The following USP18 variants were observed in gnomAD, a reference collection of about 807,000 sequenced individuals.
USP18 encodes ubl carboxyl-terminal hydrolase 18.
In USP18, 11 loss-of-function variants were observed where a neutral mutation model predicts 48.7. That is an observed-to-expected ratio of 0.23 (90% CI 0.14 to 0.37). The LOEUF (loss-of-function observed/expected upper bound fraction) is 0.37, where lower values mean the gene tolerates loss of function less well. Among genes scored for constraint, USP18 ranks in the 10% least tolerant of loss-of-function variants. The pLI is 1.00. For synonymous variants in USP18, 114 were observed against 163.2 expected, an observed-to-expected ratio of 0.70 and a Z score of 2.30; for missense variants, 285 against 436.4, an observed-to-expected ratio of 0.65 and a Z score of 3.09.
At chr22:18,173,772 C>T (rs1376882185) in intron 9 of USP18, 21 bp from the exon 10 acceptor site, 2 of 1,606,448 alleles carry the variant, frequency 1.2e-6, no homozygotes, top group East Asian at 2.2e-5. Context: ...CTGCTTGACC[C>T]CATTTGTTTC....
At position 18,151,631 on chromosome 22, in the gene USP18, G is replaced by A. The variant is rs1013685369; in HGVS notation, c.-107+1409G>A. ...TAACATAAACATAGTTTCAAAGAAG[G>A]TAAGTCCTAGTTTTTCCACGAGCTG... On this transcript the variant is annotated intron_variant, in intron 1 of 10. Transcript: ENST00000215794. Among the ~76,000 whole-genome samples, 4 of 151,970 alleles carry A rather than the reference G, an allele frequency of 2.6e-5. No individual in the cohort carries two copies. The South Asian group carries it at 8.3e-4, about 32-fold the overall frequency.
At chr22:18,157,849 C>G in intron 2 of USP18, 29 bp downstream of exon 2, 1 of 1,613,014 alleles carries the variant, frequency 6.2e-7, no homozygotes, top group Middle Eastern at 1.7e-4. Flanking sequence ...TTTTCCTCTT[C>G]TTGACTGCAT....
rs562451924 is a variant in USP18, at chr22:18,167,985, C to T, written c.576C>T (p.Leu192=). The change falls in exon 6 of 11, where the codon CTC becomes CTT. Residue 192 remains leucine, a synonymous_variant. Coordinates refer to ENST00000215794, the MANE Select transcript of USP18 (RefSeq NM_017414.4). ...AGAGTAGCAGAAACAGCAGCATGCT[C>T]ACCCTCCCACTTTCTCTTTTTGATG... ...AMESSRNSSM[L]TLPLSLFDVD... is the part of the protein sequence containing the mutation. 56 of 1,614,166 alleles carry T rather than the reference C, an allele frequency of 3.5e-5. No individual in the cohort carries two copies. The highest frequency in any genetic ancestry group is 5.3e-5 in the African/African-American group (4 of 75,038).
intron 1 of USP18, among the ~76,000 whole-genome samples, chr22:18,150,566 A>G (rs973983344): frequency 6.6e-6 from 1 of 152,362 alleles, no homozygotes; most frequent in Middle Eastern, 3.4e-3. Context: ...GTTTCTATGT[A>G]CAAGTCTTTA....
intron 2 of USP18, among the ~76,000 whole-genome samples, chr22:18,158,032 G>A (rs1432708822): frequency 6.6e-6 from 1 of 152,220 alleles, no homozygotes; most frequent in Non-Finnish European, 1.5e-5. Flanking sequence ...GCTCATGCCT[G>A]TAATCCCAGC....
intron 1 of USP18, among the ~76,000 whole-genome samples, chr22:18,153,547 C>A (rs918013091): frequency 5.9e-5 from 9 of 152,178 alleles, no homozygotes; most frequent in African/African-American, 2.2e-4. Flanking sequence ...GCCTCAGTCT[C>A]CCAAGTAGCT....
rs573867946 is a variant in USP18 at position 18,165,427 on chromosome 22, C to T, written c.401-1828C>T. On this transcript the variant is annotated intron_variant, in intron 4 of 10. Transcript: ENST00000215794. ...GAACCCATCTGGGTGTAACTGAGTA[C>T]TCCCATTTTCTAAGAGATAGTTATA... Among the ~76,000 whole-genome samples, 419 of 59,430 alleles carry T rather than the reference C, an allele frequency of 7.1e-3. 4 individuals are homozygous for T. Among genetic ancestry groups the T allele is most frequent in the African/African-American group, 0.027 (383 of 14,220 alleles). 39.0% of individuals were successfully genotyped at this position (59,430 alleles called of 152,430 possible). A position where few individuals can be genotyped will look rare whatever the true frequency, so the allele number is the denominator to read the frequency against.
rs1008924229 is a variant in USP18, at chr22:18,150,238, A to G, written c.-107+16A>G. On this transcript the variant is annotated intron_variant, in intron 1 of 10. Coordinates refer to ENST00000215794, the MANE Select transcript of USP18 (RefSeq NM_017414.4). ...GGCGCTTGAGGCAAGTTCGGGGCTC[A>G]TTTTGGAAGTTTTCTTTCTAGCACA... The G allele has an allele frequency of 2.6e-5, 4 of 152,304 alleles. No individual in the cohort carries two copies. Among genetic ancestry groups the G allele is most frequent in the African/African-American group, 9.6e-5 (4 of 41,582 alleles). 9.4% of individuals were successfully genotyped at this position (152,304 alleles called of 1,614,324 possible). A position where few individuals can be genotyped will look rare whatever the true frequency, so the allele number is the denominator to read the frequency against.
intron 10 of USP18, among the ~76,000 whole-genome samples, chr22:18,175,627 T>C (rs574283): frequency 0.036 from 4,202 of 115,728 alleles, 23 homozygotes; most frequent in African/African-American, 0.061. Context: ...AAAGCAGCCG[T>C]AGACAGTACA....
intron 1 of USP18, among the ~76,000 whole-genome samples, chr22:18,156,995 A>C (rs746181164): frequency 9.9e-5 from 15 of 152,230 alleles, no homozygotes; most frequent in Non-Finnish European, 1.6e-4. Context: ...ACTGAGGCTG[A>C]GACAATATTG....
At chr22:18,157,051 G>C (rs1210526976) in intron 1 of USP18, among the ~76,000 whole-genome samples, 2 of 152,226 alleles carry the variant, frequency 1.3e-5, no homozygotes, top group Non-Finnish European at 2.9e-5. Flanking sequence ...CCAGCACCAG[G>C]ATGTGCCTAA....
chr22:18,150,821 G>A (rs1469895328), intron 1 of USP18, among the ~76,000 whole-genome samples: 2 of 152,180 alleles, frequency 1.3e-5, no homozygotes, highest in Admixed American at 6.5e-5. Context: ...GCGTGGTGGC[G>A]CATGCCTGTA....
chr22:18,170,808 C>T lies in USP18; in HGVS notation c.779C>T (p.Ser260Phe). The T allele has an allele frequency of 6.2e-7, 1 of 1,600,764 alleles. No homozygotes were observed. Among genetic ancestry groups the T allele is most frequent in the Non-Finnish European group, 8.5e-7 (1 of 1,176,218 alleles). ...CTGACAATCCACCTCATGCGATTCT[C>T]CATCAGGAATTCACAGACGAGAAAG... ...QTLTIHLMRF[S>F]IRNSQTRKIC... is the part of the protein sequence containing the mutation. The change falls in exon 8 of 11, where the codon TCC (serine) becomes TTC (phenylalanine). Residue 260 changes from serine to phenylalanine, a missense_variant. By Grantham distance (155) the Ser-to-Phe change is radical. This residue lies in a region of USP18 where 34 missense variants were observed against 94.8 expected (regional missense o/e 0.36). Transcript: ENST00000215794.
Position 18,157,616 on chromosome 22 carries a change from G to T in USP18, c.-48G>T. On this transcript the variant is annotated 5_prime_UTR_variant, in exon 2 of 11. Coordinates refer to ENST00000215794, the MANE Select transcript of USP18 (RefSeq NM_017414.4). ...CCTGGAAGTGAAGTCGTGCTGTCCT[G>T]AACGCGGGCCAGGCAGCTGCGGCCT... The T allele has an allele frequency of 6.2e-7, 1 of 1,612,190 alleles. No homozygotes were observed. Among genetic ancestry groups the T allele is most frequent in the Non-Finnish European group, 8.5e-7 (1 of 1,178,756 alleles).
chr22:18,157,374 A>C (rs1929188499), intron 1 of USP18, among the ~76,000 whole-genome samples, 184 bp from the exon 2 acceptor site: 1 of 152,164 alleles, frequency 6.6e-6, no homozygotes. Flanking sequence ...GGATGAATGG[A>C]AACGCCTGGG....
intron 1 of USP18, among the ~76,000 whole-genome samples, chr22:18,151,919 C>T (rs761429877): frequency 2.6e-5 from 4 of 151,990 alleles, no homozygotes; most frequent in Non-Finnish European, 4.4e-5. Flanking sequence ...CTGGGCGTGG[C>T]GGCAGGCGCC....
At position 18,157,688 on chromosome 22, in the gene USP18, A is replaced by G. The variant is rs1368317167; in HGVS notation, c.25A>G (p.Arg9Gly). 6.2e-7 allele frequency: 1 copy of G among 1,614,054 alleles called. No individual in the cohort carries two copies. Among genetic ancestry groups the G allele is most frequent in the South Asian group, 1.1e-5 (1 of 91,068 alleles). Residue 9 changes from arginine to glycine, a missense_variant, in exon 2 of 11, where the codon AGG becomes GGG. By Grantham distance (125) the Arg-to-Gly change is moderately radical (BLOSUM62 -2). Coordinates refer to ENST00000215794, the MANE Select transcript of USP18 (RefSeq NM_017414.4). ...AATGAGCAAGGCGTTTGGGCTCCTG[A>G]GGCAAATCTGTCAGTCCATCCTGGC... MSKAFGLL[R>G]QICQSILAES...
intron 6 of USP18, among the ~76,000 whole-genome samples, chr22:18,168,520 C>CA (rs980306027): frequency 1.3e-5 from 2 of 152,122 alleles, no homozygotes; most frequent in African/African-American, 4.8e-5. Context: ...CTCAGCCTCC[C>CA]AAGTAGCTGG....
chr22:18,169,450 C>T (rs1951666427), intron 6 of USP18, among the ~76,000 whole-genome samples: 1 of 152,238 alleles, frequency 6.6e-6, no homozygotes, highest in African/African-American at 2.4e-5. Flanking sequence ...GGTGGCGCAG[C>T]CTGTAGTCCC....
Sources: allele counts gnomAD v4.1 joint callset (sites outside exome capture counted in the v4.1 genomes callset), GRCh38; gene constraint gnomAD v4.1.1; regional missense constraint gnomAD v4.1.1; transcripts MANE v1.5; gene names NCBI Gene and HGNC (gene_info 2026-07-23, HGNC 2026-07-21).